Variants in CFAP57 observed in about 807,000 individuals in gnomAD.
CFAP57 encodes the protein cilia- and flagella-associated protein 57.
CFAP57 carries 116 observed loss-of-function variants against 146.8 expected under a neutral mutation model. That is an observed-to-expected ratio of 0.79 (90% CI 0.68 to 0.92). The LOEUF (loss-of-function observed/expected upper bound fraction) is 0.92, where lower values mean the gene tolerates loss of function less well. Among genes scored for constraint, CFAP57 ranks in the 40% least tolerant of loss-of-function variants. CFAP57 has a pLI of 0.00. For synonymous variants in CFAP57, 518 were observed against 552.8 expected (o/e 0.94, Z 0.88); for missense variants, 1,377 against 1,527.2 (o/e 0.90, Z 1.64).
intron 21 of CFAP57, among the ~76,000 whole-genome samples, chr1:43,239,819 C>G (rs527976091): frequency 2.6e-5 from 4 of 152,280 alleles, no homozygotes; most frequent in African/African-American, 7.2e-5. Context: ...TAAGACCTTC[C>G]CTTCTGTTCT....
At chr1:43,218,036 A>T (rs900529864) in intron 12 of CFAP57, among the ~76,000 whole-genome samples, 9 of 152,148 alleles carry the variant, frequency 5.9e-5, no homozygotes, top group African/African-American at 1.9e-4. Flanking sequence ...CCTTCTTCTC[A>T]GTACTTCCTG....
intron 11 of CFAP57, 124 bp from the exon 12 acceptor site, chr1:43,215,131 A>T: frequency 9.0e-7 from 1 of 1,105,542 alleles, no homozygotes; most frequent in Non-Finnish European, 1.3e-6. Context: ...ACCTGGGATC[A>T]AGTTTACCTC....
At chr1:43,186,117 C>T (rs1400215307) in intron 5 of CFAP57, among the ~76,000 whole-genome samples, 1 of 151,620 alleles carries the variant, frequency 6.6e-6, no homozygotes, top group Non-Finnish European at 1.5e-5. Flanking sequence ...TGGTGTGCAC[C>T]TGTAGTCCCA....
chr1:43,175,625 C>T (rs1421848532), intron 2 of CFAP57, among the ~76,000 whole-genome samples: 1 of 152,016 alleles, frequency 6.6e-6, no homozygotes, highest in African/African-American at 2.4e-5. Flanking sequence ...ATCCTCCCCA[C>T]CTTAACCTCC....
At chr1:43,200,783 T>C (rs680343) in intron 9 of CFAP57, among the ~76,000 whole-genome samples, 7,801 of 152,192 alleles carry the variant, frequency 0.051, 252 homozygotes, top group Middle Eastern at 0.092. Flanking sequence ...GTAGGAAAGG[T>C]TGGCTGCATC....
chr1:43,232,410 G>A lies in CFAP57; in HGVS notation c.3010-98G>A, dbSNP rs1645508696. 15 of 948,200 alleles carry A rather than the reference G, an allele frequency of 1.6e-5. No homozygotes were observed. The South Asian group carries it at 2.3e-4, about 14-fold the overall frequency. 58.7% of individuals were successfully genotyped at this position (948,200 alleles called of 1,614,324 possible). A position where few individuals can be genotyped will look rare whatever the true frequency, so the allele number is the denominator to read the frequency against. ...GGGATGAGAAAAGAAATGCCCGGGT[G>A]TCAGGGGTGGCATCCCCACTGAAAG... On this transcript the variant is annotated intron_variant, in intron 18 of 22. Coordinates refer to ENST00000372492, the MANE Select transcript of CFAP57 (RefSeq NM_001378189.1).
chr1:43,180,504 G>A (rs991838294), intron 2 of CFAP57, among the ~76,000 whole-genome samples: 9 of 152,070 alleles, frequency 5.9e-5, no homozygotes, highest in African/African-American at 2.2e-4. Context: ...GAGCTAGAGA[G>A]TGATGTGACG....
intron 18 of CFAP57, chr1:43,232,075 A>T (rs771998324): frequency 2.4e-5 from 17 of 701,530 alleles, no homozygotes; most frequent in Non-Finnish European, 4.2e-5. Context: ...GAATGACCCC[A>T]TTCTAAAGTG....
intron 6 of CFAP57, among the ~76,000 whole-genome samples, chr1:43,190,750 C>T (rs757744823): frequency 6.7e-6 from 1 of 150,352 alleles, no homozygotes; most frequent in Admixed American, 6.6e-5. Flanking sequence ...TGTGAGTTTT[C>T]GTTTTTTACT....
At chr1:43,237,876 T>G (rs1645764061) in intron 21 of CFAP57, among the ~76,000 whole-genome samples, 1 of 152,140 alleles carries the variant, frequency 6.6e-6, no homozygotes, top group African/African-American at 2.4e-5. Context: ...TAAGTAGGGG[T>G]GTCTTTGTTT....
intron 12 of CFAP57, 124 bp from the exon 13 acceptor site, chr1:43,219,258 T>C (rs1416391971): frequency 6.8e-6 from 7 of 1,024,504 alleles, no homozygotes; most frequent in Non-Finnish European, 9.7e-6. Flanking sequence ...TGACAAGTTC[T>C]AGTTGAGACA....
chr1:43,216,630 G>T (rs752486239), intron 12 of CFAP57, among the ~76,000 whole-genome samples: 1 of 152,078 alleles, frequency 6.6e-6, no homozygotes, highest in Non-Finnish European at 1.5e-5. Context: ...GCTCCTTCTT[G>T]AAACTCCCTT....
chr1:43,184,392 C>T (rs536102671), intron 4 of CFAP57, among the ~76,000 whole-genome samples: 34 of 152,334 alleles, frequency 2.2e-4, no homozygotes, highest in African/African-American at 8.2e-4. Context: ...GCCACGTTAT[C>T]TCTATGACAA....
At chr1:43,234,712 T>G in intron 21 of CFAP57, 74 bp downstream of exon 21, 1 of 1,470,716 alleles carries the variant, frequency 6.8e-7, no homozygotes, top group Non-Finnish European at 9.1e-7. Flanking sequence ...AGGGTCCCTC[T>G]GAGACCACCT....
In CFAP57 at chr1:43,219,455, A is replaced by C. The variant is rs975143557; in HGVS notation, c.2165A>C (p.Lys722Thr). ...KMENEYQLRL[K>T]DMNYSEKIKE... ...GAGAATGAGTATCAACTCCGACTAA[A>C]GGACATGAACTATTCTGAGAAGATT... Residue 722 changes from lysine to threonine, a missense_variant, in exon 13 of 23, where the codon AAG becomes ACG. Transcript: ENST00000372492. The C allele has an allele frequency of 1.3e-6, 2 of 1,550,554 alleles. No homozygotes were observed. Among genetic ancestry groups the C allele is most frequent in the African/African-American group, 2.7e-5 (2 of 73,058 alleles).
At chr1:43,203,683 T>A (rs2124458120) in intron 9 of CFAP57, among the ~76,000 whole-genome samples, 1 of 152,222 alleles carries the variant, frequency 6.6e-6, no homozygotes, top group East Asian at 1.9e-4. Flanking sequence ...ATGGTCTCGA[T>A]CTCTTCACCT....
chr1:43,212,919 A>G (rs1294207682), intron 11 of CFAP57, among the ~76,000 whole-genome samples: 3 of 142,502 alleles, frequency 2.1e-5, no homozygotes, highest in Non-Finnish European at 4.6e-5. Context: ...CCTGGGCAAC[A>G]TAGCAGACTC....
At position 43,254,307 on chromosome 1, in the gene CFAP57, CT is replaced by C. The variant is rs554868168; in HGVS notation, c.*119del. ...CCTGCAGCACTGACCCCAGCAACCT[CT>C]TTCTCTTGCCCTGGGGAATTTGGGA... On this transcript the variant is annotated 3_prime_UTR_variant, in exon 23 of 23. Transcript: ENST00000372492. 1.1e-4 allele frequency: 99 copies of C among 881,390 alleles called. 2 individuals are homozygous for C. The East Asian group carries it at 2.1e-3, about 19-fold the overall frequency. 54.6% of individuals were successfully genotyped at this position (881,390 alleles called of 1,614,324 possible).
chr1:43,185,593 G>C (rs918271329), intron 5 of CFAP57, among the ~76,000 whole-genome samples: 2 of 150,560 alleles, frequency 1.3e-5, no homozygotes, highest in Non-Finnish European at 2.9e-5. Flanking sequence ...TGTAATCCCA[G>C]CACTTTGGGA....
Sources: allele counts gnomAD v4.1 joint callset (sites outside exome capture counted in the v4.1 genomes callset), GRCh38; gene constraint gnomAD v4.1.1; transcripts MANE v1.5; gene names NCBI Gene and HGNC (gene_info 2026-07-23, HGNC 2026-07-21).